Variants in SDK1 observed in about 807,000 individuals in gnomAD.
SDK1 encodes the protein protein sidekick-1.
A neutral mutation model predicts 245.5 loss-of-function variants in SDK1; 157 were observed. The observed-to-expected ratio is 0.64, with a 90% CI of 0.56 to 0.73. The LOEUF is 0.73. SDK1 is among the 30% of genes least tolerant of loss of function. The pLI is 0.00. For synonymous variants in SDK1, 1,647 were observed against 1,278.5 expected (o/e 1.29, Z -6.15); for missense variants, 3,583 against 3,002.3 (o/e 1.19, Z -4.52).
chr7:3,831,494 A>G (rs991272256), intron 5 of SDK1, among the ~76,000 whole-genome samples: 4 of 152,158 alleles, frequency 2.6e-5, no homozygotes, highest in African/African-American at 9.7e-5. Flanking sequence ...GTCTTTTCAT[A>G]TCTCCTCTTT....
chr7:4,032,137 G>A (rs1176901697), intron 17 of SDK1, among the ~76,000 whole-genome samples: 4 of 151,796 alleles, frequency 2.6e-5, no homozygotes, highest in African/African-American at 9.7e-5. Context: ...CACCAGATAA[G>A]AAAGTTGCGG....
intron 1 of SDK1, among the ~76,000 whole-genome samples, chr7:3,394,915 G>C (rs1781854920): frequency 6.6e-6 from 1 of 151,752 alleles, no homozygotes; most frequent in South Asian, 2.1e-4. Flanking sequence ...GGACTCTTTG[G>C]GGTTTTCTAT....
rs564969013 is a variant in SDK1 at position 3,957,024 on chromosome 7, C to T, written c.1151-1907C>T. On this transcript the variant is annotated intron_variant, in intron 7 of 44. Coordinates refer to ENST00000404826, the MANE Select transcript of SDK1 (RefSeq NM_152744.4). ...ATCTATGGATTTTGTATCATCAAAGCACAGGTCATCTTGGGTGAATCTCAA... is the reference window on the plus strand; with the variant it reads ...ATCTATGGATTTTGTATCATCAAAGTACAGGTCATCTTGGGTGAATCTCAA... 2.0e-5 allele frequency among the ~76,000 whole-genome samples: 3 copies of T among 152,318 alleles called. No homozygotes were observed. In the South Asian group the frequency reaches 6.2e-4, roughly 32 times the overall value.
intron 5 of SDK1, among the ~76,000 whole-genome samples, chr7:3,870,859 C>A (rs145718572): frequency 1.2e-4 from 19 of 152,302 alleles, no homozygotes; most frequent in African/African-American, 4.3e-4. Flanking sequence ...TCTTAGTCTT[C>A]TCCAAAATGC....
chr7:3,323,985 A>C (rs933618837), intron 1 of SDK1, among the ~76,000 whole-genome samples: 1 of 152,168 alleles, frequency 6.6e-6, no homozygotes, highest in Non-Finnish European at 1.5e-5. Flanking sequence ...TTGGTCTCAT[A>C]TTCCTCTGTG....
chr7:3,974,661 C>A, intron 13 of SDK1, 116 bp downstream of exon 13: 1 of 907,708 alleles, frequency 1.1e-6, no homozygotes, highest in South Asian at 1.7e-5. Flanking sequence ...AGTCAGCGGT[C>A]AGAGGCCAGC....
At chr7:4,091,334 C>CTTTTCTTTTTTTTTT (rs1259034611) in intron 22 of SDK1, among the ~76,000 whole-genome samples, 25 of 108,222 alleles carry the variant, frequency 2.3e-4, no homozygotes, top group African/African-American at 9.5e-4. Flanking sequence ...CTTTTCTTTT[C>CTTTTCTTTTTTTTTT]TTTTTTTTTT....
At chr7:3,574,181 A>G (rs919737943) in intron 1 of SDK1, among the ~76,000 whole-genome samples, 2 of 151,638 alleles carry the variant, frequency 1.3e-5, no homozygotes, top group African/African-American at 2.4e-5. Flanking sequence ...CAGTGGCACA[A>G]TCTCGGCTCA....
At chr7:3,369,480 A>T (rs374804933) in intron 1 of SDK1, among the ~76,000 whole-genome samples, 7 of 152,216 alleles carry the variant, frequency 4.6e-5, no homozygotes, top group Admixed American at 1.3e-4. Flanking sequence ...CTGGCCTGTT[A>T]TAGGGCAAGC....
At position 4,049,419 on chromosome 7, in the gene SDK1, C is replaced by T. The variant is rs756815016; in HGVS notation, c.2674C>T (p.Pro892Ser). 1 of 1,614,138 alleles carries T rather than the reference C, an allele frequency of 6.2e-7. No homozygotes were observed. Among genetic ancestry groups the T allele is most frequent in the South Asian group, 1.1e-5 (1 of 91,074 alleles). ...NSTTIQFLWN[P>S]PPQQFINGIN... ...CACCACCATTCAGTTCCTGTGGAAC[C>T]CTCCGCCTCAGCAGTTTATCAATGG... Residue 892 changes from proline to serine, a missense_variant, in exon 18 of 45, where the codon CCT (proline) becomes TCT (serine). Pro to Ser is a moderately conservative substitution (Grantham distance 74). Coordinates refer to ENST00000404826, the MANE Select transcript of SDK1 (RefSeq NM_152744.4).
intron 1 of SDK1, among the ~76,000 whole-genome samples, chr7:3,553,391 A>G (rs919173807): frequency 1.3e-5 from 2 of 152,184 alleles, no homozygotes; most frequent in African/African-American, 4.8e-5. Context: ...ATACAATGAT[A>G]GACCCCAGAA....
At chr7:3,852,097 G>C (rs144138094) in intron 5 of SDK1, among the ~76,000 whole-genome samples, 1,531 of 152,172 alleles carry the variant, frequency 0.01, 8 homozygotes, top group Non-Finnish European at 0.016. Context: ...TTTGTTGACA[G>C]TCAAATTAGA....
At chr7:3,995,724 T>G (rs1429219524) in intron 14 of SDK1, among the ~76,000 whole-genome samples, 2 of 152,222 alleles carry the variant, frequency 1.3e-5, no homozygotes, top group Non-Finnish European at 2.9e-5. Flanking sequence ...CTAGTATTCT[T>G]GAACCCATTC....
chr7:3,613,440 T>A (rs895065039), intron 1 of SDK1, among the ~76,000 whole-genome samples: 9 of 152,324 alleles, frequency 5.9e-5, no homozygotes, highest in African/African-American at 2.2e-4. Context: ...GCCTTCCTTT[T>A]TCTCCACAAC....
At chr7:3,526,739 C>A (rs1185369811) in intron 1 of SDK1, among the ~76,000 whole-genome samples, 1 of 151,962 alleles carries the variant, frequency 6.6e-6, no homozygotes. Flanking sequence ...GTTTCTTTTT[C>A]TTTTTTCACA....
chr7:3,887,211 C>T (rs891938524), intron 5 of SDK1, among the ~76,000 whole-genome samples: 4 of 152,100 alleles, frequency 2.6e-5, no homozygotes, highest in African/African-American at 9.7e-5. Context: ...CTATCTGAAG[C>T]TCAGCAGTAG....
Position 4,265,613 on chromosome 7 carries a change from CTTTT to C in SDK1, c.*231_*234del, listed in dbSNP as rs1248083218. Reference sequence around the variant, plus strand: ...AAGCAGGTTTGTTTCTTTTTCTTTTCTTTTTAAGAGAAGGTGTATTTCACTGGTG... The same window carrying C: ...AAGCAGGTTTGTTTCTTTTTCTTTTCTAAGAGAAGGTGTATTTCACTGGTG... On this transcript the variant is annotated 3_prime_UTR_variant, in exon 45 of 45. Coordinates refer to ENST00000404826, the MANE Select transcript of SDK1 (RefSeq NM_152744.4). 3 of 1,335,562 alleles carry C rather than the reference CTTTT, an allele frequency of 2.2e-6. No homozygotes were observed. The highest frequency in any genetic ancestry group is 1.5e-5 in the African/African-American group (1 of 64,570). 82.7% of individuals were successfully genotyped at this position (1,335,562 alleles called of 1,614,324 possible).
chr7:3,690,073 C>G (rs984378172), intron 4 of SDK1, among the ~76,000 whole-genome samples: 1 of 152,110 alleles, frequency 6.6e-6, no homozygotes, highest in African/African-American at 2.4e-5. Flanking sequence ...AGAGAAGCAC[C>G]CAGTGGTAAT....
chr7:3,798,949 C>G (rs545786320), intron 4 of SDK1, among the ~76,000 whole-genome samples: 3 of 152,182 alleles, frequency 2.0e-5, no homozygotes, highest in Non-Finnish European at 4.4e-5. Context: ...GTAACTGTTT[C>G]TGTGGATTTC....
Sources: gnomAD v4.1 joint callset for allele counts (sites outside exome capture counted in the v4.1 genomes callset) on GRCh38, gnomAD v4.1.1 for gene constraint, MANE v1.5 for transcripts, NCBI Gene and HGNC (gene_info 2026-07-23, HGNC 2026-07-21) for gene names.